PPP4R2: variants seen among roughly 807,000 people sequenced by gnomAD.
PPP4R2 encodes serine/threonine-protein phosphatase 4 regulatory subunit 2.
PPP4R2 carries 13 observed loss-of-function variants against 47.2 expected under a neutral mutation model. The ratio of observed to expected loss-of-function variants is 0.28; its 90% CI spans 0.18 to 0.44. PPP4R2 has a LOEUF of 0.44. PPP4R2 is among the 20% of genes least tolerant of loss of function. PPP4R2 has a pLI of 1.00. For synonymous variants in PPP4R2, 151 were observed against 163.3 expected (o/e 0.92, Z 0.57); for missense variants, 421 against 491.2 (o/e 0.86, Z 1.35).
At chr3:73,034,557 G>T (rs1372362146) in intron 2 of PPP4R2, among the ~76,000 whole-genome samples, 2 of 152,180 alleles carry the variant, frequency 1.3e-5, no homozygotes, top group East Asian at 1.9e-4. Flanking sequence ...GTTTTTTAGA[G>T]ACTGTTCCTC....
chr3:73,064,662 C>T (rs958431927), intron 7 of PPP4R2, among the ~76,000 whole-genome samples, 190 bp from the exon 8 acceptor site: 5 of 152,090 alleles, frequency 3.3e-5, no homozygotes, highest in African/African-American at 1.2e-4. Flanking sequence ...TTTCTGAGTC[C>T]TACTGGGAAT....
intron 3 of PPP4R2, among the ~76,000 whole-genome samples, chr3:73,050,752 T>G (rs1575878884): frequency 6.6e-6 from 1 of 152,318 alleles, no homozygotes; most frequent in African/African-American, 2.4e-5. Context: ...ATGGCTACAT[T>G]GTTTTCTATT....
intron 2 of PPP4R2, among the ~76,000 whole-genome samples, chr3:73,030,002 G>A (rs1433658847): frequency 6.6e-6 from 1 of 152,178 alleles, no homozygotes; most frequent in Non-Finnish European, 1.5e-5. Flanking sequence ...GTAGATTTGA[G>A]AGATAATGGG....
intron 2 of PPP4R2, among the ~76,000 whole-genome samples, chr3:73,045,871 A>C (rs1409931401): frequency 6.6e-6 from 1 of 152,156 alleles, no homozygotes; most frequent in African/African-American, 2.4e-5. Flanking sequence ...TGTTCTATGA[A>C]AAATAGCTAG....
intron 3 of PPP4R2, among the ~76,000 whole-genome samples, chr3:73,053,092 C>G (rs2107321907): frequency 6.6e-6 from 1 of 152,170 alleles, no homozygotes; most frequent in East Asian, 1.9e-4. Flanking sequence ...ACTGTTGATT[C>G]ACTTTATTGC....
intron 3 of PPP4R2, among the ~76,000 whole-genome samples, chr3:73,051,087 G>A (rs899374740): frequency 1.3e-5 from 2 of 152,032 alleles, no homozygotes; most frequent in African/African-American, 2.4e-5. Context: ...GCTAATTTTT[G>A]TATTTTTAGT....
chr3:73,022,525 G>C (rs1701980908), intron 2 of PPP4R2, among the ~76,000 whole-genome samples: 1 of 152,036 alleles, frequency 6.6e-6, no homozygotes, highest in African/African-American at 2.4e-5. Flanking sequence ...GATTAGATGG[G>C]AATAAAATTG....
intron 2 of PPP4R2, among the ~76,000 whole-genome samples, chr3:73,024,083 G>A (rs1044210411): frequency 6.6e-6 from 1 of 151,832 alleles, no homozygotes; most frequent in African/African-American, 2.4e-5. Context: ...GATATGATTG[G>A]CTGAAATGAA....
chr3:73,020,781 G>T (rs1457469100), intron 2 of PPP4R2, among the ~76,000 whole-genome samples: 1 of 151,998 alleles, frequency 6.6e-6, no homozygotes, highest in African/African-American at 2.4e-5. Flanking sequence ...TCTCACCTTG[G>T]CCTCCTAAAG....
intron 2 of PPP4R2, among the ~76,000 whole-genome samples, chr3:73,016,405 A>G (rs1418636174): frequency 6.6e-6 from 1 of 152,196 alleles, no homozygotes; most frequent in Non-Finnish European, 1.5e-5. Flanking sequence ...GCCTCCAAAC[A>G]TCCTATATTG....
At position 73,065,979 on chromosome 3, in the gene PPP4R2, A is replaced by ATTT. The variant is rs35050858; in HGVS notation, c.*270_*272dup. 17 of 184,570 alleles carry ATTT rather than the reference A, an allele frequency of 9.2e-5. No individual in the cohort carries two copies. Among genetic ancestry groups the ATTT allele is most frequent in the East Asian group, 3.4e-4 (3 of 8,864 alleles). The allele number at this position is 184,570 out of a possible 1,614,324, so 11.4% of individuals were successfully genotyped here. A position where few individuals can be genotyped will look rare whatever the true frequency, so the allele number is the denominator to read the frequency against. Reference sequence around the variant, plus strand: ...GGGCAAATCAGTGGTTTGTGTATAGATTTTTTTTTTTTTTTAATTTAGGAT... The same window carrying ATTT: ...GGGCAAATCAGTGGTTTGTGTATAGATTTTTTTTTTTTTTTTTTAATTTAGGAT... On this transcript the variant is annotated 3_prime_UTR_variant, in exon 9 of 9. Transcript: ENST00000356692.
Position 73,047,327 on chromosome 3 carries a change from A to C in PPP4R2, c.258A>C (p.Arg86Ser). 1 of 1,611,338 alleles carries C rather than the reference A, an allele frequency of 6.2e-7. No individual in the cohort carries two copies. The highest frequency in any genetic ancestry group is 8.5e-7 in the Non-Finnish European group (1 of 1,178,614). Residue 86 changes from arginine to serine, a missense_variant, in exon 3 of 9, where the codon AGA becomes AGC. Physicochemically the swap from Arg to Ser is moderately radical, Grantham distance 110 (BLOSUM62 -1). Coordinates refer to ENST00000356692, the MANE Select transcript of PPP4R2 (RefSeq NM_174907.4). The stretch of plus-strand genomic sequence containing the variant: ...TTCCCTTTGATGAAATGAAGGAAAG[A>C]ATACTGAAAATTGTCACTGGATTTA... ...EYIPFDEMKE[R>S]ILKIVTGFNG...
intron 5 of PPP4R2, chr3:73,061,457 A>G (rs1012041160): frequency 6.4e-6 from 1 of 155,322 alleles, no homozygotes; most frequent in Non-Finnish European, 1.4e-5. Flanking sequence ...CAAGATTTAG[A>G]TATAGCAAAG....
chr3:73,056,110 A>G (rs567290074), intron 3 of PPP4R2, among the ~76,000 whole-genome samples: 2 of 152,300 alleles, frequency 1.3e-5, no homozygotes, highest in South Asian at 2.1e-4. Context: ...TTTGTATGCT[A>G]TGTCTAATGG....
intron 2 of PPP4R2, among the ~76,000 whole-genome samples, chr3:73,039,123 A>C (rs1215605550): frequency 6.6e-6 from 1 of 152,180 alleles, no homozygotes; most frequent in Non-Finnish European, 1.5e-5. Context: ...TTTATATAAA[A>C]AACAATACTT....
intron 2 of PPP4R2, among the ~76,000 whole-genome samples, chr3:73,004,287 C>T (rs1701548615): frequency 2.0e-5 from 3 of 151,242 alleles, no homozygotes; most frequent in African/African-American, 4.9e-5. Context: ...GCTATCCTCC[C>T]GCCTGTGCCT....
intron 2 of PPP4R2, among the ~76,000 whole-genome samples, chr3:73,028,698 A>G (rs138918553): frequency 7.2e-5 from 11 of 152,198 alleles, no homozygotes; most frequent in African/African-American, 2.2e-4. Context: ...TAGGCCTCCC[A>G]AAGTGCTGGG....
intron 3 of PPP4R2, among the ~76,000 whole-genome samples, chr3:73,049,268 G>C (rs1348108886): frequency 2.0e-5 from 3 of 152,014 alleles, no homozygotes; most frequent in Non-Finnish European, 1.5e-5. Flanking sequence ...GGAGGCCGAG[G>C]TGGGCAGATC....
At chr3:73,003,535 A>G (rs1202489624) in intron 2 of PPP4R2, among the ~76,000 whole-genome samples, 1 of 151,890 alleles carries the variant, frequency 6.6e-6, no homozygotes, top group African/African-American at 2.4e-5. Flanking sequence ...TTAACTGTCA[A>G]TCTTAGTTTT....
Sources: gnomAD v4.1 joint callset for allele counts (sites outside exome capture counted in the v4.1 genomes callset) on GRCh38, gnomAD v4.1.1 for gene constraint, MANE v1.5 for transcripts, NCBI Gene and HGNC (gene_info 2026-07-23, HGNC 2026-07-21) for gene names.